GSG1L2: variants seen among roughly 807,000 people sequenced by gnomAD.
GSG1L2 encodes the protein germ cell-specific gene 1-like protein 2.
In GSG1L2, 15 loss-of-function variants were observed where a neutral mutation model predicts 9.0. That is an observed-to-expected ratio of 1.67 (90% CI 1.12 to 2.57). The LOEUF (loss-of-function observed/expected upper bound fraction) is 2.57. Ranked by LOEUF, GSG1L2 falls within the 30% of genes most tolerant of loss-of-function variation. The pLI is 0.00. For synonymous variants in GSG1L2, 127 were observed against 57.9 expected, an observed-to-expected ratio of 2.19 and a Z score of -5.41; for missense variants, 286 against 150.3, an observed-to-expected ratio of 1.90 and a Z score of -4.72.
Position 9,802,646 on chromosome 17 carries a change from T to C in GSG1L2, c.624-2A>G, listed in dbSNP as rs1235679771. The C allele has an allele frequency of 7.1e-6, 5 of 702,744 alleles. No homozygotes were observed. In the Admixed American group the frequency reaches 8.0e-5, roughly 11 times the overall value. 43.5% of individuals were successfully genotyped at this position (702,744 alleles called of 1,614,324 possible). A position where few individuals can be genotyped will look rare whatever the true frequency, so the allele number is the denominator to read the frequency against. On this transcript the variant is annotated splice_acceptor_variant, in intron 4 of 4. Coordinates refer to ENST00000399363, the MANE Select transcript of GSG1L2 (RefSeq NM_001310219.2). LOFTEE classifies it high-confidence loss of function. ...AGGGCGAAAGAACCCCAGGCAAGGC[T>C]GTCAACAGAAGGCACCGTTAGGAAA...
chr17:9,808,952 A>G lies in GSG1L2; in HGVS notation c.389T>C (p.Val130Ala). 1 of 702,934 alleles carries G rather than the reference A, an allele frequency of 1.4e-6. No homozygotes were observed. Among genetic ancestry groups the G allele is most frequent in the Non-Finnish European group, 2.6e-6 (1 of 385,004 alleles). 43.5% of individuals were successfully genotyped at this position (702,934 alleles called of 1,614,324 possible). Residue 130 changes from valine (V) to alanine (A), a missense_variant, in exon 3 of 5, where the codon GTC becomes GCC. Coordinates refer to ENST00000399363, the MANE Select transcript of GSG1L2 (RefSeq NM_001310219.2). ...GVLWLSIGGE[V>A]LDIVLILTSA... ...TGTCAGTATCAGAACGATATCCAGG[A>G]CCTCGCCCCCGATGGACAGCCACAA...
At chr17:9,803,100 CTTTTTT>C (rs58980664) in intron 4 of GSG1L2, among the ~76,000 whole-genome samples, 1 of 92,506 alleles carries the variant, frequency 1.1e-5, no homozygotes, top group Admixed American at 1.2e-4. Flanking sequence ...GGTGTCATTA[CTTTTTT>C]TTTTTTTTTT....
intron 2 of GSG1L2, chr17:9,809,191 CTG>C: frequency 1.8e-6 from 1 of 549,450 alleles, no homozygotes; most frequent in South Asian, 2.1e-5. Flanking sequence ...TTGCCCGTAG[CTG>C]AACGGGCGGT....
Position 9,802,375 on chromosome 17 carries a change from A to T in GSG1L2, c.*11T>A, listed in dbSNP as rs1247396594. Reference sequence around the variant, plus strand: ...GTTTGCCTGTGCGGATGTGGCAGCCATGGACACTGGCTAGCATATGGACAC... The same window carrying T: ...GTTTGCCTGTGCGGATGTGGCAGCCTTGGACACTGGCTAGCATATGGACAC... On this transcript the variant is annotated 3_prime_UTR_variant, in exon 5 of 5. Transcript: ENST00000399363. 1.6e-6 allele frequency: 1 copy of T among 640,286 alleles called. No individual in the cohort carries two copies. Among genetic ancestry groups the T allele is most frequent in the African/African-American group, 1.8e-5 (1 of 55,358 alleles). 39.7% of individuals were successfully genotyped at this position (640,286 alleles called of 1,614,324 possible). A position where few individuals can be genotyped will look rare whatever the true frequency, so the allele number is the denominator to read the frequency against.
At chr17:9,808,491 C>T (rs17207766) in intron 3 of GSG1L2, among the ~76,000 whole-genome samples, 14,122 of 152,142 alleles carry the variant, frequency 0.093, 712 homozygotes, top group East Asian at 0.15. Flanking sequence ...ATTAAGGAGA[C>T]GTCTGCAACT....
chr17:9,804,240 G>A (rs2066508846), intron 4 of GSG1L2: 1 of 152,258 alleles, frequency 6.6e-6, no homozygotes, highest in South Asian at 2.1e-4. Context: ...TGTTATATCA[G>A]CACTGCTGAA....
intron 4 of GSG1L2, chr17:9,803,692 T>C (rs552520816): frequency 2.0e-5 from 3 of 152,334 alleles, no homozygotes; most frequent in Admixed American, 1.3e-4. Flanking sequence ...CTTGTATGTA[T>C]GCCAGGTGCT....
At chr17:9,817,206 A>G (rs1433801827) in intron 1 of GSG1L2, among the ~76,000 whole-genome samples, 1 of 152,204 alleles carries the variant, frequency 6.6e-6, no homozygotes, top group Non-Finnish European at 1.5e-5. Context: ...ATATGCAGGT[A>G]GCCAGGTTGC....
chr17:9,816,589 C>CGT (rs2152024452), intron 1 of GSG1L2, among the ~76,000 whole-genome samples: 1 of 68,996 alleles, frequency 1.4e-5, no homozygotes, highest in Non-Finnish European at 2.5e-5. Flanking sequence ...TGTGCACGTG[C>CGT]GTGTCTGTGT....
At chr17:9,807,850 T>G (rs1038116393) in intron 3 of GSG1L2, 3 of 397,036 alleles carry the variant, frequency 7.6e-6, no homozygotes, top group Non-Finnish European at 1.4e-5. Flanking sequence ...CCTGGTTCCT[T>G]CCTAAGAAGA....
intron 1 of GSG1L2, among the ~76,000 whole-genome samples, chr17:9,812,823 T>C (rs895012369): frequency 2.6e-5 from 4 of 152,236 alleles, no homozygotes; most frequent in South Asian, 4.2e-4. Context: ...AGTCTCACTA[T>C]AACTCCTGGG....
chr17:9,811,800 G>A (rs140674628), intron 1 of GSG1L2, among the ~76,000 whole-genome samples: 190 of 152,322 alleles, frequency 1.2e-3, no homozygotes, highest in African/African-American at 4.4e-3. Context: ...TGCAGAGCCC[G>A]GGCCCAGCGC....
In GSG1L2 at chr17:9,820,761, C is replaced by G. The variant is rs2066586046; in HGVS notation, c.310+1001G>C. 6.6e-6 allele frequency among the ~76,000 whole-genome samples: 1 copy of G among 151,870 alleles called. No individual in the cohort carries two copies. The highest frequency in any genetic ancestry group is 6.6e-5 in the Admixed American group (1 of 15,246). On this transcript the variant is annotated intron_variant, in intron 1 of 4. Coordinates refer to ENST00000399363, the MANE Select transcript of GSG1L2 (RefSeq NM_001310219.2). The surrounding 1 kb of genome is among the most constrained non-coding windows in gnomAD (Gnocchi z 4.9). ...CACTGCAGCCTCAACCTCCCAGGCT[C>G]AAGTGATCCTCCCAGAGTAGCTGGG...
At chr17:9,810,333 G>A (rs780114296) in intron 2 of GSG1L2, 3 of 572,200 alleles carry the variant, frequency 5.2e-6, no homozygotes, top group Non-Finnish European at 9.3e-6. Context: ...CATGGAACAC[G>A]GCCAGTGCTG....
At chr17:9,806,736 G>A (rs2066517566) in intron 4 of GSG1L2, among the ~76,000 whole-genome samples, 1 of 152,144 alleles carries the variant, frequency 6.6e-6, no homozygotes, top group Non-Finnish European at 1.5e-5. Flanking sequence ...ATTCAAAGGG[G>A]GGTAGCTAAG....
At chr17:9,816,745 CTG>C (rs547710238) in intron 1 of GSG1L2, among the ~76,000 whole-genome samples, 5,379 of 132,904 alleles carry the variant, frequency 0.04, 344 homozygotes, top group African/African-American at 0.14. Context: ...ATGTGTGTAT[CTG>C]TGTGTGTATC....
chr17:9,809,080 G>C (rs1263673359), intron 2 of GSG1L2, 98 bp from the exon 3 acceptor site: 1 of 648,346 alleles, frequency 1.5e-6, no homozygotes, highest in African/African-American at 1.8e-5. Context: ...AACAAAACAT[G>C]AAAAACAGAC....
intron 4 of GSG1L2, 156 bp downstream of exon 4, chr17:9,807,334 A>G: frequency 1.7e-6 from 1 of 603,372 alleles, no homozygotes; most frequent in Non-Finnish European, 3.0e-6. Flanking sequence ...CGATGAGGGA[A>G]TTGGGCTACA....
At position 9,822,029 on chromosome 17, in the gene GSG1L2, C is replaced by G; in HGVS notation, c.43G>C (p.Val15Leu). Residue 15 changes from valine to leucine, a missense_variant, in exon 1 of 5, where the codon GTC becomes CTC. Coordinates refer to ENST00000399363, the MANE Select transcript of GSG1L2 (RefSeq NM_001310219.2). ...AGGGAGAAGGTGAGGGCGAGGCAGACAGGGAGGAGGAGCAGCGCCTGCTGC... is the reference window on the plus strand; with the variant it reads ...AGGGAGAAGGTGAGGGCGAGGCAGAGAGGGAGGAGGAGCAGCGCCTGCTGC... Reference protein sequence around the residue: ...KQQQALLLLPVCLALTFSLTA... With the variant: ...KQQQALLLLPLCLALTFSLTA... The G allele has an allele frequency of 1.4e-6, 1 of 702,652 alleles. No individual in the cohort carries two copies. The highest frequency in any genetic ancestry group is 2.6e-6 in the Non-Finnish European group (1 of 384,970). 43.5% of individuals were successfully genotyped at this position (702,652 alleles called of 1,614,324 possible). A position where few individuals can be genotyped will look rare whatever the true frequency, so the allele number is the denominator to read the frequency against.
Sources: gnomAD v4.1 joint callset for allele counts (sites outside exome capture counted in the v4.1 genomes callset) on GRCh38, gnomAD v4.1.1 for gene constraint, Gnocchi (gnomAD v3.1) non-coding constraint, MANE v1.5 for transcripts, NCBI Gene and HGNC (gene_info 2026-07-23, HGNC 2026-07-21) for gene names.